The following ZNF676 variants were observed in gnomAD, a reference collection of about 807,000 sequenced individuals.
The protein encoded by ZNF676 is zinc finger protein 676.
In ZNF676, 4 loss-of-function variants were observed where a neutral mutation model predicts 6.0. That is an observed-to-expected ratio of 0.67 (90% CI 0.33 to 1.53). The LOEUF (loss-of-function observed/expected upper bound fraction) is 1.53, where lower values mean the gene tolerates loss of function less well. Among genes scored for constraint, ZNF676 ranks in the 40% most tolerant of loss-of-function variants. The pLI is 0.06. For synonymous variants in ZNF676, 198 were observed against 223.1 expected (o/e 0.89, Z 1.00); for missense variants, 644 against 679.7 (o/e 0.95, Z 0.58).
At chr19:22,226,011 AAGGCC>A in the ZNF676 span, among the ~76,000 whole-genome samples, 1 of 152,078 alleles carries the variant, frequency 6.6e-6, no homozygotes, top group African/African-American at 2.4e-5. Flanking sequence ...AAATGATTCC[AAGGCC>A]AATGTCATGT....
chr19:22,182,933 AATT>A (rs1290206004), intron 2 of ZNF676, among the ~76,000 whole-genome samples: 1 of 152,136 alleles, frequency 6.6e-6, no homozygotes, highest in Admixed American at 6.6e-5. Context: ...AAAGCACAGG[AATT>A]ATTATAAACA....
the ZNF676 span, among the ~76,000 whole-genome samples, chr19:22,248,231 A>C: frequency 7.9e-5 from 12 of 152,200 alleles, no homozygotes; most frequent in Admixed American, 7.9e-4. Context: ...TCTTTATAGC[A>C]GCATGATTTA....
At chr19:22,216,318 C>G (rs2024189448), upstream of ZNF676, among the ~76,000 whole-genome samples, 1 of 151,834 alleles carries the variant, frequency 6.6e-6, no homozygotes, top group Non-Finnish European at 1.5e-5. Context: ...GCCTGTAATC[C>G]CAGCTATTCA....
At chr19:22,204,652 T>TTA (rs2024059030) in intron 1 of ZNF676, among the ~76,000 whole-genome samples, 2 of 152,340 alleles carry the variant, frequency 1.3e-5, no homozygotes, top group East Asian at 3.9e-4. Context: ...TCAGGATCTT[T>TTA]TAGTCTTTAT....
chr19:22,181,074 G>C lies in ZNF676; in HGVS notation c.643C>G (p.His215Asp). Residue 215 changes from histidine to aspartate, a missense_variant, in exon 3 of 3, where the codon CAT becomes GAT. Around this residue, in one of 5 missense-constraint regions of ZNF676, gnomAD observed 280 missense variants for 269.3 expected, o/e 1.04. Transcript: ENST00000397121. ...TTCTCTCCAGTATGAATTACCTTATGTTTAGTAAGGATTGAGAACTTACTA... is the reference window on the plus strand; with the variant it reads ...TTCTCTCCAGTATGAATTACCTTATCTTTAGTAAGGATTGAGAACTTACTA... Reference protein sequence around the residue: ...AFSKFSILTKHKVIHTGEKPY... With the variant: ...AFSKFSILTKDKVIHTGEKPY... 2 of 1,578,808 alleles carry C rather than the reference G, an allele frequency of 1.3e-6. No homozygotes were observed. The highest frequency in any genetic ancestry group is 1.7e-6 in the Non-Finnish European group (2 of 1,158,140).
At chr19:22,231,135 C>T in the ZNF676 span, among the ~76,000 whole-genome samples, 1 of 151,698 alleles carries the variant, frequency 6.6e-6, no homozygotes, top group Non-Finnish European at 1.5e-5. Flanking sequence ...TGAAGTTCAT[C>T]TTCTACCAGG....
the ZNF676 span, among the ~76,000 whole-genome samples, chr19:22,223,212 G>T: frequency 3.9e-5 from 6 of 152,150 alleles, no homozygotes; most frequent in Non-Finnish European, 8.8e-5. Context: ...CCTGTAGTTT[G>T]CCACCTTAGT....
chr19:22,241,658 G>A, the ZNF676 span, among the ~76,000 whole-genome samples: 1 of 151,742 alleles, frequency 6.6e-6, no homozygotes, highest in South Asian at 2.1e-4. Flanking sequence ...ATGCATGAGA[G>A]TCAGAATTTG....
rs145180034 is a variant in ZNF676, at chr19:22,181,045, G to A, written c.672C>T (p.Pro224=). The change falls in exon 3 of 3, where the codon CCC becomes CCT. Residue 224 remains proline (P), a synonymous_variant. Coordinates refer to ENST00000397121, the MANE Select transcript of ZNF676 (RefSeq NM_001001411.3). ...CTTTGCCACATTCTTCACATTTGTA[G>A]GGTTTCTCTCCAGTATGAATTACCT... ...KHKVIHTGEK[P]YKCEECGKAF... The A allele has an allele frequency of 1.0e-3, 1,619 of 1,570,964 alleles. 13 individuals carry two copies. In the East Asian group the frequency reaches 0.036, roughly 35 times the overall value.
intron 2 of ZNF676, among the ~76,000 whole-genome samples, chr19:22,182,523 C>G (rs578160802): frequency 1.7e-5 from 2 of 118,978 alleles, no homozygotes; most frequent in African/African-American, 6.6e-5. Context: ...CAAAAATAAC[C>G]AGTGAATTGT....
chr19:22,250,397 T>C, the ZNF676 span, among the ~76,000 whole-genome samples: 1 of 152,140 alleles, frequency 6.6e-6, no homozygotes, highest in South Asian at 2.1e-4. Context: ...TTTGCCTTTT[T>C]AATAATCTTT....
the ZNF676 span, among the ~76,000 whole-genome samples, chr19:22,234,627 G>A: frequency 6.6e-6 from 1 of 152,064 alleles, no homozygotes; most frequent in Non-Finnish European, 1.5e-5. Context: ...AAAATGGCAG[G>A]GCTTTGCTCC....
the ZNF676 span, among the ~76,000 whole-genome samples, chr19:22,234,653 G>T: frequency 6.6e-6 from 1 of 152,150 alleles, no homozygotes; most frequent in African/African-American, 2.4e-5. Context: ...CCTAGAGGCT[G>T]CCAGGTGCAG....
intron 1 of ZNF676, chr19:22,215,505 G>T: frequency 9.0e-7 from 1 of 1,110,794 alleles, no homozygotes; most frequent in Non-Finnish European, 1.3e-6. Flanking sequence ...AGGGGACTGA[G>T]GTCGAGCTAG....
At chr19:22,221,434 C>T in the ZNF676 span, among the ~76,000 whole-genome samples, 1 of 152,066 alleles carries the variant, frequency 6.6e-6, no homozygotes, top group Non-Finnish European at 1.5e-5. Flanking sequence ...TAAGACAGTA[C>T]TTGATATAAT....
chr19:22,202,944 G>A (rs2144795600), intron 1 of ZNF676, among the ~76,000 whole-genome samples: 2 of 152,224 alleles, frequency 1.3e-5, no homozygotes, highest in African/African-American at 4.8e-5. Context: ...ACATTTTAAA[G>A]CAATAGCTCT....
the ZNF676 span, among the ~76,000 whole-genome samples, chr19:22,242,407 T>A: frequency 1.3e-5 from 2 of 151,904 alleles, no homozygotes; most frequent in Non-Finnish European, 1.5e-5. Flanking sequence ...ATTTTCCCTG[T>A]GGGCAAAGTG....
At chr19:22,235,024 GA>G in the ZNF676 span, among the ~76,000 whole-genome samples, 1 of 60,004 alleles carries the variant, frequency 1.7e-5, no homozygotes. Context: ...AAGAAAGAAA[GA>G]AAGAAAGAAA....
upstream of ZNF676, among the ~76,000 whole-genome samples, chr19:22,220,024 T>C (rs755609190): frequency 3.3e-5 from 5 of 152,214 alleles, no homozygotes; most frequent in African/African-American, 7.2e-5. Flanking sequence ...ATTTTAATCA[T>C]AAAGTGATGC....
Sources: allele counts gnomAD v4.1 joint callset (sites outside exome capture counted in the v4.1 genomes callset), GRCh38; gene constraint gnomAD v4.1.1; regional missense constraint gnomAD v4.1.1; transcripts MANE v1.5; gene names NCBI Gene and HGNC (gene_info 2026-07-23, HGNC 2026-07-21).